The following ATP8B4 variants were observed in gnomAD, a reference collection of about 807,000 sequenced individuals.
ATP8B4 encodes the protein probable phospholipid-transporting ATPase IM.
In ATP8B4, 133 loss-of-function variants were observed where a neutral mutation model predicts 145.6. The observed-to-expected ratio is 0.91, with a 90% CI of 0.79 to 1.05. ATP8B4 has a LOEUF of 1.05. Among genes scored for constraint, ATP8B4 ranks in the 50% least tolerant of loss-of-function variants. The pLI is 0.00. For synonymous variants in ATP8B4, 507 were observed against 492.9 expected, an observed-to-expected ratio of 1.03 and a Z score of -0.38; for missense variants, 1,458 against 1,425.2, an observed-to-expected ratio of 1.02 and a Z score of -0.37.
chr15:50,156,073 A>AT (rs2044407901), intron 1 of ATP8B4, among the ~76,000 whole-genome samples: 3 of 52,888 alleles, frequency 5.7e-5, no homozygotes, highest in African/African-American at 3.1e-4. Context: ...TAAATAAATA[A>AT]ATATATATAT....
At chr15:49,993,937 G>A (rs2047223834) in intron 9 of ATP8B4, among the ~76,000 whole-genome samples, 1 of 152,062 alleles carries the variant, frequency 6.6e-6, no homozygotes, top group Non-Finnish European at 1.5e-5. Flanking sequence ...TTGGTGAGTT[G>A]CCCATTCTGT....
intron 1 of ATP8B4, among the ~76,000 whole-genome samples, chr15:50,178,499 T>C (rs1035644430): frequency 6.6e-6 from 1 of 152,350 alleles, no homozygotes; most frequent in East Asian, 1.9e-4. Flanking sequence ...TTTTTATTTT[T>C]ATCTGTTTGT....
At chr15:50,126,165 C>A (rs1397859134) in intron 1 of ATP8B4, among the ~76,000 whole-genome samples, 7 of 144,222 alleles carry the variant, frequency 4.9e-5, no homozygotes, top group African/African-American at 1.6e-4. Context: ...ACCCTCAGAA[C>A]AAGTGAAGCT....
chr15:50,126,914 T>C (rs1461903442), intron 1 of ATP8B4, among the ~76,000 whole-genome samples: 1 of 150,990 alleles, frequency 6.6e-6, no homozygotes. Flanking sequence ...ACAACAGACC[T>C]TGGGGAAGGG....
intron 1 of ATP8B4, among the ~76,000 whole-genome samples, chr15:50,149,023 T>A (rs76317808): frequency 0.073 from 11,062 of 152,278 alleles, 504 homozygotes; most frequent in Middle Eastern, 0.095. Context: ...TAACAATACA[T>A]CATGCTATTT....
At chr15:50,015,062 T>C (rs1310576382) in intron 6 of ATP8B4, among the ~76,000 whole-genome samples, 2 of 152,230 alleles carry the variant, frequency 1.3e-5, no homozygotes, top group East Asian at 1.9e-4. Context: ...CTCAATGGAA[T>C]ATAGTGCAGC....
chr15:50,156,008 A>T (rs1338098219), intron 1 of ATP8B4, among the ~76,000 whole-genome samples: 1 of 146,634 alleles, frequency 6.8e-6, no homozygotes, highest in African/African-American at 2.5e-5. Flanking sequence ...GGACTGGCTG[A>T]CTGGTATAAA....
At chr15:50,067,077 T>C (rs1270888188) in intron 3 of ATP8B4, among the ~76,000 whole-genome samples, 1 of 151,980 alleles carries the variant, frequency 6.6e-6, no homozygotes, top group African/African-American at 2.4e-5. Flanking sequence ...ACAAACTGAG[T>C]TTCCACCCCA....
chr15:50,009,139 G>A lies in ATP8B4; in HGVS notation c.435+1706C>T, dbSNP rs149136224. ...TTTTAATTGAGAGTAGAACTCGAAT[G>A]AGTTGCCTGGAGCCCTTTCTTCTTA... On this transcript the variant is annotated intron_variant, in intron 7 of 27. Transcript: ENST00000284509. 1.1e-4 allele frequency: 17 copies of A among 152,256 alleles called. No individual in the cohort carries two copies. The East Asian group carries it at 3.3e-3, about 29-fold the overall frequency. The allele number at this position is 152,256 out of a possible 1,614,324, so 9.4% of individuals were successfully genotyped here.
chr15:50,143,696 C>T (rs558086355), intron 1 of ATP8B4, among the ~76,000 whole-genome samples: 1 of 152,222 alleles, frequency 6.6e-6, no homozygotes, highest in South Asian at 2.1e-4. Flanking sequence ...TAAAGGGTGG[C>T]TTTGTGCAAA....
At chr15:50,171,219 T>C (rs760661691) in intron 1 of ATP8B4, among the ~76,000 whole-genome samples, 1 of 152,134 alleles carries the variant, frequency 6.6e-6, no homozygotes, top group Non-Finnish European at 1.5e-5. Flanking sequence ...AACAGATATA[T>C]ACAGAACATT....
At chr15:49,893,024 T>A (rs1296295583) in intron 23 of ATP8B4, among the ~76,000 whole-genome samples, 2 of 152,200 alleles carry the variant, frequency 1.3e-5, no homozygotes, top group African/African-American at 4.8e-5. Flanking sequence ...AGATCTTAGG[T>A]TGGCAGCAGT....
intron 2 of ATP8B4, among the ~76,000 whole-genome samples, chr15:50,085,552 T>G (rs534644107): frequency 4.6e-5 from 7 of 152,110 alleles, no homozygotes; most frequent in African/African-American, 1.7e-4. Context: ...GGCAACATGA[T>G]CACATCCTAC....
At chr15:49,909,145 C>A (rs2038950142) in intron 20 of ATP8B4, among the ~76,000 whole-genome samples, 3 of 151,858 alleles carry the variant, frequency 2.0e-5, no homozygotes, top group Non-Finnish European at 4.4e-5. Context: ...GCACTCCATA[C>A]CCCCCACCCC....
chr15:49,868,922 A>AT (rs1280487121), intron 25 of ATP8B4, among the ~76,000 whole-genome samples: 1 of 152,120 alleles, frequency 6.6e-6, no homozygotes, highest in Admixed American at 6.5e-5. Flanking sequence ...TAGAAATGGG[A>AT]TTTTTTTGTT....
intron 6 of ATP8B4, among the ~76,000 whole-genome samples, chr15:50,017,452 TCTTA>T (rs1409693176): frequency 2.0e-5 from 3 of 152,184 alleles, no homozygotes; most frequent in African/African-American, 7.2e-5. Context: ...GAGAATTCAC[TCTTA>T]CTAAGCTTAA....
intron 12 of ATP8B4, among the ~76,000 whole-genome samples, chr15:49,977,038 C>T (rs1000319176): frequency 6.6e-5 from 10 of 152,054 alleles, no homozygotes; most frequent in East Asian, 1.9e-4. Flanking sequence ...TAGCTGGGTA[C>T]GCCTTAACAC....
At chr15:50,127,033 C>T (rs1177003940) in intron 1 of ATP8B4, among the ~76,000 whole-genome samples, 4 of 152,182 alleles carry the variant, frequency 2.6e-5, no homozygotes, top group Non-Finnish European at 5.9e-5. Context: ...TTTCTGCTGA[C>T]CCCAAGTTTT....
intron 6 of ATP8B4, among the ~76,000 whole-genome samples, chr15:50,017,433 G>GA (rs1283642021): frequency 6.6e-6 from 1 of 151,924 alleles, no homozygotes; most frequent in African/African-American, 2.4e-5. Context: ...ATATTATTTT[G>GA]AAAAATCAGA....
Sources: allele counts gnomAD v4.1 joint callset (sites outside exome capture counted in the v4.1 genomes callset), GRCh38; gene constraint gnomAD v4.1.1; transcripts MANE v1.5; gene names NCBI Gene and HGNC (gene_info 2026-07-23, HGNC 2026-07-21).